The following PAQR8 variants were observed in gnomAD, a reference collection of about 807,000 sequenced individuals.
PAQR8 encodes the protein membrane progestin receptor beta.
In PAQR8, 17 loss-of-function variants were observed where a neutral mutation model predicts 25.2. The observed-to-expected ratio is 0.67, with a 90% CI of 0.46 to 1.01. The LOEUF (loss-of-function observed/expected upper bound fraction) is 1.01, where lower values mean the gene tolerates loss of function less well. PAQR8 is among the 50% of genes least tolerant of loss of function. The pLI, the probability that PAQR8 is intolerant of heterozygous loss-of-function variation, is 0.00. For missense variants in PAQR8, 392 were observed against 448.4 expected (o/e 0.87, Z 1.14); for synonymous variants, 204 against 190.6 (o/e 1.07, Z -0.58).
intron 1 of PAQR8, among the ~76,000 whole-genome samples, chr6:52,375,040 GT>G (rs1562428102): frequency 6.6e-6 from 1 of 151,880 alleles, no homozygotes; most frequent in African/African-American, 2.4e-5. Flanking sequence ...TTTTGAAATA[GT>G]TTTTTATTAT....
chr6:52,404,193 T>C lies in PAQR8; in HGVS notation c.980T>C (p.Phe327Ser), dbSNP rs1269577741. The stretch of plus-strand genomic sequence containing the variant: ...TCTGTCCACATGGCCTGCCTCTCCT[T>C]CTTCTTCCTGGCTGCCTGCAGTGCT... ...PLSVHMACLS[F>S]FFLAACSAAT... is the part of the protein sequence containing the mutation. Residue 327 changes from phenylalanine to serine, a missense_variant, in exon 2 of 2, where the codon TTC (phenylalanine) becomes TCC (serine). Transcript: ENST00000442253. The C allele has an allele frequency of 5.6e-6, 9 of 1,613,808 alleles. No homozygotes were observed. Among genetic ancestry groups the C allele is most frequent in the Non-Finnish European group, 6.8e-6 (8 of 1,179,888 alleles).
At chr6:52,381,644 CT>C (rs1336879974) in intron 1 of PAQR8, among the ~76,000 whole-genome samples, 10 of 152,198 alleles carry the variant, frequency 6.6e-5, no homozygotes, top group African/African-American at 1.2e-4. Flanking sequence ...AAATTGCCCC[CT>C]ACTCCAATTT....
intron 1 of PAQR8, chr6:52,373,417 C>T (rs553284474): frequency 6.6e-6 from 1 of 152,310 alleles, no homozygotes; most frequent in East Asian, 1.9e-4. Flanking sequence ...AATGAATTCT[C>T]CTTTGGTTTT....
chr6:52,363,640 T>G (rs1763316774), intron 1 of PAQR8, among the ~76,000 whole-genome samples: 1 of 152,222 alleles, frequency 6.6e-6, no homozygotes, highest in Non-Finnish European at 1.5e-5. Flanking sequence ...GAGAGTATTG[T>G]ACAGTTTGGG....
intron 1 of PAQR8, among the ~76,000 whole-genome samples, chr6:52,367,943 C>T (rs1763372006): frequency 6.6e-6 from 1 of 152,144 alleles, no homozygotes; most frequent in African/African-American, 2.4e-5. Context: ...CTTTGCTTTT[C>T]TTTAGCCAGG....
intron 1 of PAQR8, among the ~76,000 whole-genome samples, chr6:52,391,033 T>G (rs1328030630): frequency 6.6e-6 from 1 of 152,218 alleles, no homozygotes; most frequent in African/African-American, 2.4e-5. Context: ...AAAAGTAAAA[T>G]TCCCCACAAT....
intron 1 of PAQR8, among the ~76,000 whole-genome samples, chr6:52,372,050 C>T (rs1352314182): frequency 1.3e-5 from 2 of 152,206 alleles, no homozygotes; most frequent in East Asian, 3.8e-4. Context: ...ATTTCTGGGG[C>T]TGGCTCTGAA....
intron 1 of PAQR8, among the ~76,000 whole-genome samples, chr6:52,387,684 TAGG>T (rs1763648676): frequency 6.6e-6 from 1 of 152,146 alleles, no homozygotes; most frequent in African/African-American, 2.4e-5. Flanking sequence ...GTGGGGCCGT[TAGG>T]AGGTGATCAC....
intron 1 of PAQR8, among the ~76,000 whole-genome samples, chr6:52,382,697 T>C (rs1337713318): frequency 6.6e-6 from 1 of 152,164 alleles, no homozygotes; most frequent in Non-Finnish European, 1.5e-5. Flanking sequence ...AATGTTTTCA[T>C]GTGAAAACAG....
intron 1 of PAQR8, among the ~76,000 whole-genome samples, chr6:52,372,521 T>C (rs2113935557): frequency 6.6e-6 from 1 of 152,224 alleles, no homozygotes; most frequent in South Asian, 2.1e-4. Context: ...CTGGAAACAA[T>C]GCCCTCAAAA....
chr6:52,397,833 T>A (rs183309197), intron 1 of PAQR8, among the ~76,000 whole-genome samples: 1 of 152,242 alleles, frequency 6.6e-6, no homozygotes, highest in East Asian at 1.9e-4. Flanking sequence ...AGGGAGGGGC[T>A]CTCTTACTCA....
chr6:52,380,988 A>G (rs1458582645), intron 1 of PAQR8, among the ~76,000 whole-genome samples: 2 of 152,218 alleles, frequency 1.3e-5, no homozygotes, highest in Non-Finnish European at 2.9e-5. Flanking sequence ...GGTCTAATAA[A>G]AAGAAGTATA....
At chr6:52,383,820 C>T (rs978830373) in intron 1 of PAQR8, among the ~76,000 whole-genome samples, 11 of 152,058 alleles carry the variant, frequency 7.2e-5, no homozygotes, top group Non-Finnish European at 1.2e-4. Context: ...AAGGCTTTGA[C>T]GGTCAGGCTC....
At chr6:52,363,467 A>G (rs1037881462) in intron 1 of PAQR8, among the ~76,000 whole-genome samples, 22 of 152,190 alleles carry the variant, frequency 1.4e-4, no homozygotes, top group African/African-American at 5.3e-4. Context: ...CCTTAGGGAT[A>G]ACTCATACAA....
chr6:52,369,182 A>G (rs183782371), intron 1 of PAQR8, among the ~76,000 whole-genome samples: 5 of 152,230 alleles, frequency 3.3e-5, no homozygotes, highest in African/African-American at 1.2e-4. Flanking sequence ...GGTGACTTCA[A>G]AATTTCAAGA....
chr6:52,373,076 TC>T (rs1469883988), intron 1 of PAQR8, among the ~76,000 whole-genome samples: 1 of 152,240 alleles, frequency 6.6e-6, no homozygotes, highest in Non-Finnish European at 1.5e-5. Flanking sequence ...TTGTAGCTAA[TC>T]CTTGCATTAC....
chr6:52,380,994 G>A (rs1488614232), intron 1 of PAQR8, among the ~76,000 whole-genome samples: 1 of 152,144 alleles, frequency 6.6e-6, no homozygotes, highest in Non-Finnish European at 1.5e-5. Flanking sequence ...ATAAAAAGAA[G>A]TATACTGAGC....
At chr6:52,383,208 T>C (rs1466470542) in intron 1 of PAQR8, among the ~76,000 whole-genome samples, 1 of 152,292 alleles carries the variant, frequency 6.6e-6, no homozygotes, top group Non-Finnish European at 1.5e-5. Flanking sequence ...ACGTGATAAA[T>C]GTTACGTTAT....
At chr6:52,401,176 T>G (rs1445958602) in intron 1 of PAQR8, among the ~76,000 whole-genome samples, 1 of 152,218 alleles carries the variant, frequency 6.6e-6, no homozygotes, top group African/African-American at 2.4e-5. Context: ...TTTACCTGAT[T>G]AGGTATTTTT....
Sources: allele counts gnomAD v4.1 joint callset (sites outside exome capture counted in the v4.1 genomes callset), GRCh38; gene constraint gnomAD v4.1.1; transcripts MANE v1.5; gene names NCBI Gene and HGNC (gene_info 2026-07-23, HGNC 2026-07-21).